Variants in FAM117B observed in about 807,000 individuals in gnomAD.
FAM117B encodes the protein protein FAM117B.
In FAM117B, 22 loss-of-function variants were observed where a neutral mutation model predicts 52.8. That is an observed-to-expected ratio of 0.42 (90% confidence interval 0.30 to 0.59). The LOEUF is 0.59. Ranked by LOEUF, FAM117B falls within the 20% of genes least tolerant of loss-of-function variation. FAM117B has a pLI of 0.22. For missense variants in FAM117B, 678 were observed against 802.6 expected, an observed-to-expected ratio of 0.84 and a Z score of 1.88; for synonymous variants, 309 against 324.1, an observed-to-expected ratio of 0.95 and a Z score of 0.50.
At chr2:202,681,254 AG>A (rs1690459417) in intron 1 of FAM117B, among the ~76,000 whole-genome samples, 2 of 152,238 alleles carry the variant, frequency 1.3e-5, no homozygotes, top group Admixed American at 1.3e-4. Flanking sequence ...AGGGGAAAAA[AG>A]AACAAAGAAC....
chr2:202,762,400 A>G (rs950640709), intron 7 of FAM117B, among the ~76,000 whole-genome samples: 2 of 152,186 alleles, frequency 1.3e-5, no homozygotes, highest in Admixed American at 1.3e-4. Flanking sequence ...TAGCCATGTC[A>G]TCTGCACTTA....
intron 4 of FAM117B, among the ~76,000 whole-genome samples, chr2:202,745,546 G>A (rs1691618580): frequency 6.6e-6 from 1 of 152,040 alleles, no homozygotes; most frequent in African/African-American, 2.4e-5. Context: ...AAGGAACAAA[G>A]GATATACAAA....
chr2:202,728,774 A>AT (rs1256987901), intron 4 of FAM117B, among the ~76,000 whole-genome samples: 2 of 152,080 alleles, frequency 1.3e-5, no homozygotes, highest in South Asian at 2.1e-4. Context: ...TCAAATTTTC[A>AT]TTTTTTTCTT....
intron 4 of FAM117B, among the ~76,000 whole-genome samples, chr2:202,743,788 G>T (rs867821912): frequency 1.2e-4 from 19 of 152,092 alleles, no homozygotes; most frequent in Admixed American, 3.9e-4. Context: ...TCAAGCAAAA[G>T]AAAGAATTTC....
In FAM117B at chr2:202,720,400, CGTGTGT is replaced by C. The variant is rs547237672; in HGVS notation, c.754-4495_754-4490del. Among the ~76,000 whole-genome samples, 29 of 136,824 alleles carry C rather than the reference CGTGTGT, an allele frequency of 2.1e-4. No homozygotes were observed. In the East Asian group the frequency reaches 3.8e-3, roughly 18 times the overall value. The allele number at this position is 136,824 out of a possible 152,430, so 89.8% of individuals were successfully genotyped here. A position where few individuals can be genotyped will look rare whatever the true frequency, so the allele number is the denominator to read the frequency against. On this transcript the variant is annotated intron_variant, in intron 2 of 7. Transcript: ENST00000392238. ...CATTAGTCATATTTGCTTTACCTGT[CGTGTGT>C]GTGTGTGTGTGTGTGTGTGTGCGCT...
rs988403062 is a variant in FAM117B at position 202,767,023 on chromosome 2, G to A, written c.*1259G>A. On this transcript the variant is annotated 3_prime_UTR_variant, in exon 8 of 8. Coordinates refer to ENST00000392238, the MANE Select transcript of FAM117B (RefSeq NM_173511.4). ...TGGGGAAAATACACAAGAAGAACTT[G>A]AGTATGAACGATAAGCACCTTTGAA... is the stretch of plus-strand genomic sequence containing the variant. 1 of 152,572 alleles carries A rather than the reference G, an allele frequency of 6.6e-6. No individual in the cohort carries two copies. Among genetic ancestry groups the A allele is most frequent in the Non-Finnish European group, 1.5e-5 (1 of 68,028 alleles). 9.5% of individuals were successfully genotyped at this position (152,572 alleles called of 1,614,324 possible). A position where few individuals can be genotyped will look rare whatever the true frequency, so the allele number is the denominator to read the frequency against.
At chr2:202,704,235 T>C (rs558915562) in intron 2 of FAM117B, among the ~76,000 whole-genome samples, 2 of 152,358 alleles carry the variant, frequency 1.3e-5, no homozygotes, top group East Asian at 3.9e-4. Flanking sequence ...CTCGGAACAG[T>C]ATCTGGCACC....
intron 1 of FAM117B, among the ~76,000 whole-genome samples, chr2:202,645,580 C>T (rs1014022443): frequency 1.3e-5 from 2 of 150,594 alleles, no homozygotes; most frequent in African/African-American, 2.4e-5. Context: ...TGAGTCACTG[C>T]GCCCGGCAGC....
At chr2:202,717,729 A>G (rs1321702097) in intron 2 of FAM117B, among the ~76,000 whole-genome samples, 3 of 152,198 alleles carry the variant, frequency 2.0e-5, no homozygotes, top group Admixed American at 6.5e-5. Context: ...TGTGACTACT[A>G]TCAATGTGAT....
chr2:202,664,369 C>G (rs1430425580), intron 1 of FAM117B, among the ~76,000 whole-genome samples: 1 of 152,156 alleles, frequency 6.6e-6, no homozygotes, highest in Non-Finnish European at 1.5e-5. Context: ...CCTGGAATGT[C>G]TGAGAACTGC....
chr2:202,745,383 C>G (rs1691615962), intron 4 of FAM117B, among the ~76,000 whole-genome samples: 3 of 151,984 alleles, frequency 2.0e-5, no homozygotes, highest in Non-Finnish European at 4.4e-5. Context: ...GCAAGTCCTA[C>G]ATCTGGAAAT....
intron 1 of FAM117B, among the ~76,000 whole-genome samples, chr2:202,641,890 C>T (rs1461694468): frequency 6.6e-6 from 1 of 151,518 alleles, no homozygotes; most frequent in Non-Finnish European, 1.5e-5. Context: ...CCATCCGCCT[C>T]GGCCTCCCAA....
At chr2:202,664,656 T>G (rs1690175417) in intron 1 of FAM117B, among the ~76,000 whole-genome samples, 2 of 152,194 alleles carry the variant, frequency 1.3e-5, no homozygotes, top group African/African-American at 4.8e-5. Flanking sequence ...TGAGTCCTGT[T>G]TAAAATTTTG....
intron 1 of FAM117B, among the ~76,000 whole-genome samples, chr2:202,642,200 G>A (rs577195200): frequency 4.0e-5 from 6 of 148,918 alleles, no homozygotes; most frequent in South Asian, 4.2e-4. Flanking sequence ...TGATCTGTCC[G>A]CCTCGGCCTC....
chr2:202,643,253 TAGAATGAAAG>T (rs1259297470), intron 1 of FAM117B, among the ~76,000 whole-genome samples: 1 of 152,174 alleles, frequency 6.6e-6, no homozygotes, highest in Non-Finnish European at 1.5e-5. Flanking sequence ...AAAGGATTTA[TAGAATGAAAG>T]ATTGTAAATT....
rs574502244 is a variant in FAM117B at position 202,725,321 on chromosome 2, G to A, written c.846+312G>A. The A allele has an allele frequency of 6.0e-4, 102 of 168,614 alleles. 3 individuals are homozygous for A. The Middle Eastern group carries it at 0.032, about 53-fold the overall frequency. The allele number at this position is 168,614 out of a possible 1,614,324, so 10.4% of individuals were successfully genotyped here. ...ATTCTTTTTTTTTTTTTTTTGGGGT[G>A]TGCATGTGTGTGTGTGAGACGGAGT... is the stretch of plus-strand genomic sequence containing the variant. On this transcript the variant is annotated intron_variant, in intron 3 of 7. Coordinates refer to ENST00000392238, the MANE Select transcript of FAM117B (RefSeq NM_173511.4).
intron 1 of FAM117B, among the ~76,000 whole-genome samples, chr2:202,644,053 G>GTTTTTTTTTTTT (rs1219743876): frequency 4.7e-4 from 28 of 60,142 alleles, no homozygotes; most frequent in African/African-American, 1.7e-3. Context: ...TTTAGGAGCT[G>GTTTTTTTTTTTT]TTTTTTTTTT....
At chr2:202,722,090 A>C (rs570003594) in intron 2 of FAM117B, among the ~76,000 whole-genome samples, 1 of 145,198 alleles carries the variant, frequency 6.9e-6, no homozygotes, top group African/African-American at 2.6e-5. Flanking sequence ...AGCTCACTGC[A>C]ACCTCCACCT....
At chr2:202,755,207 TTTAAAG>T (rs1360165033) in intron 4 of FAM117B, among the ~76,000 whole-genome samples, 2 of 152,028 alleles carry the variant, frequency 1.3e-5, no homozygotes, top group Admixed American at 1.3e-4. Context: ...ACTAGGAGAG[TTTAAAG>T]TTATATTCTG....
Sources: allele counts gnomAD v4.1 joint callset (sites outside exome capture counted in the v4.1 genomes callset), GRCh38; gene constraint gnomAD v4.1.1; transcripts MANE v1.5; gene names NCBI Gene and HGNC (gene_info 2026-07-23, HGNC 2026-07-21).